The following CHL1 variants were observed in gnomAD, a reference collection of about 807,000 sequenced individuals.
The protein encoded by CHL1 is neural cell adhesion molecule L1-like protein.
A neutral mutation model predicts 141.9 loss-of-function variants in CHL1; 96 were observed. The observed-to-expected ratio is 0.68, with a 90% CI of 0.57 to 0.80. CHL1 has a LOEUF of 0.80. Ranked by LOEUF, CHL1 falls within the 30% of genes least tolerant of loss-of-function variation. CHL1 has a pLI of 0.00. For synonymous variants in CHL1, 613 were observed against 502.2 expected (o/e 1.22, Z -2.95); for missense variants, 1,820 against 1,457.2 (o/e 1.25, Z -4.05).
intron 5 of CHL1, among the ~76,000 whole-genome samples, chr3:329,624 T>A (rs1701286360): frequency 6.6e-6 from 1 of 151,490 alleles, no homozygotes; most frequent in South Asian, 2.1e-4. Context: ...GAGATAGAAA[T>A]AAATTCAAAT....
chr3:374,660 A>G lies in CHL1; in HGVS notation c.1752-3158A>G, dbSNP rs143891955. 2.8e-3 allele frequency among the ~76,000 whole-genome samples: 422 copies of G among 152,326 alleles called. 2 individuals carry two copies. Among genetic ancestry groups the G allele is most frequent in the African/African-American group, 9.6e-3 (400 of 41,560 alleles). On this transcript the variant is annotated intron_variant, in intron 15 of 27. Transcript: ENST00000256509. ...CAATTTCCCTAAACAAGTAACAGGG[A>G]TAAAGGACAATAACCTTAGCTCAGA...
rs1347751390 is a variant in CHL1 at position 337,611 on chromosome 3, G to A, written c.386-3183G>A. On this transcript the variant is annotated intron_variant, in intron 5 of 27. Coordinates refer to ENST00000256509, the MANE Select transcript of CHL1 (RefSeq NM_006614.4). The stretch of plus-strand genomic sequence containing the variant: ...AATTCCCACTTATGAGTGAGAACAT[G>A]CAATGTTTGGTTTTTTGTCCTTGCG... Among the ~76,000 whole-genome samples, 5 of 149,708 alleles carry A rather than the reference G, an allele frequency of 3.3e-5. No individual in the cohort carries two copies. In the East Asian group the frequency reaches 1.0e-3, roughly 30 times the overall value.
intron 10 of CHL1, among the ~76,000 whole-genome samples, chr3:349,998 G>C (rs1314931421): frequency 6.6e-6 from 1 of 152,162 alleles, no homozygotes; most frequent in East Asian, 1.9e-4. Flanking sequence ...CTTCACCAAA[G>C]AAGTGAAAGA....
intron 27 of CHL1, among the ~76,000 whole-genome samples, chr3:402,009 C>G (rs1418389457): frequency 6.6e-6 from 1 of 152,160 alleles, no homozygotes; most frequent in African/African-American, 2.4e-5. Context: ...CCATTATGAA[C>G]TCGGGTTCAA....
Position 407,695 on chromosome 3 carries a change from G to T in CHL1, c.*1984G>T, listed in dbSNP as rs1220448066. 1 of 152,128 alleles carries T rather than the reference G, an allele frequency of 6.6e-6. No homozygotes were observed. The highest frequency in any genetic ancestry group is 1.9e-4 in the East Asian group (1 of 5,184). 9.4% of individuals were successfully genotyped at this position (152,128 alleles called of 1,614,324 possible). On this transcript the variant is annotated 3_prime_UTR_variant, in exon 28 of 28. Coordinates refer to ENST00000256509, the MANE Select transcript of CHL1 (RefSeq NM_006614.4). ...TCGAGCTTAGTTCTGGTGTTATTCT[G>T]TCTCCTCTTCTTTGTCATCAGCCAA...
chr3:273,907 C>T (rs1469352557), intron 2 of CHL1, among the ~76,000 whole-genome samples: 1 of 151,996 alleles, frequency 6.6e-6, no homozygotes, highest in Non-Finnish European at 1.5e-5. Context: ...CAAATTTGAC[C>T]ACGCCATAAT....
chr3:241,239 G>T (rs934995559), intron 1 of CHL1, among the ~76,000 whole-genome samples: 1 of 152,150 alleles, frequency 6.6e-6, no homozygotes, highest in Admixed American at 6.6e-5. Flanking sequence ...AGCTTAGAAA[G>T]GAGTCATGTC....
intron 5 of CHL1, among the ~76,000 whole-genome samples, chr3:337,347 C>A (rs557979846): frequency 2.2e-5 from 3 of 134,162 alleles, no homozygotes; most frequent in Non-Finnish European, 3.2e-5. Context: ...CCCGCCACCA[C>A]GCCCGGCTAA....
At chr3:268,778 T>C (rs1416772318) in intron 2 of CHL1, among the ~76,000 whole-genome samples, 3 of 152,192 alleles carry the variant, frequency 2.0e-5, no homozygotes, top group Non-Finnish European at 2.9e-5. Context: ...TCTTCGGAAT[T>C]ATTTAGATTT....
At chr3:388,350 C>T (rs887476737) in intron 19 of CHL1, among the ~76,000 whole-genome samples, 1 of 152,108 alleles carries the variant, frequency 6.6e-6, no homozygotes. Context: ...GAGTTCAAGA[C>T]CAGCCTGACC....
chr3:387,109 T>G (rs974577981), intron 19 of CHL1, among the ~76,000 whole-genome samples: 2 of 152,192 alleles, frequency 1.3e-5, no homozygotes, highest in Non-Finnish European at 2.9e-5. Flanking sequence ...GATTAATAGT[T>G]ATAACCTTGC....
intron 3 of CHL1, among the ~76,000 whole-genome samples, chr3:322,534 G>A (rs1049480895): frequency 6.7e-5 from 10 of 150,294 alleles, no homozygotes; most frequent in African/African-American, 9.8e-5. Context: ...AGGGCTGGGC[G>A]TGGTGTCTCA....
intron 3 of CHL1, among the ~76,000 whole-genome samples, chr3:325,628 A>G (rs930223593): frequency 6.6e-6 from 1 of 152,058 alleles, no homozygotes. Flanking sequence ...ATGCATATGC[A>G]TGCTAACATA....
chr3:272,473 T>C (rs1695719018), intron 2 of CHL1, among the ~76,000 whole-genome samples: 1 of 152,240 alleles, frequency 6.6e-6, no homozygotes, highest in Admixed American at 6.5e-5. Context: ...GAGACTATGT[T>C]TTCGTTCTTT....
chr3:296,716 G>A (rs556607417), intron 2 of CHL1, among the ~76,000 whole-genome samples: 3 of 152,306 alleles, frequency 2.0e-5, no homozygotes, highest in South Asian at 4.1e-4. Context: ...TTTTAAAATG[G>A]AAAGAAGTGG....
intron 14 of CHL1, among the ~76,000 whole-genome samples, chr3:365,500 A>G (rs1704759487): frequency 6.6e-6 from 1 of 152,146 alleles, no homozygotes; most frequent in East Asian, 1.9e-4. Flanking sequence ...CCCCACCTTC[A>G]TGTTAATAGT....
chr3:280,044 A>T (rs979930963), intron 2 of CHL1, among the ~76,000 whole-genome samples: 1 of 152,180 alleles, frequency 6.6e-6, no homozygotes, highest in African/African-American at 2.4e-5. Flanking sequence ...TCAGGTTTCT[A>T]TTATCTGAAA....
At chr3:277,953 T>G (rs1696303427) in intron 2 of CHL1, among the ~76,000 whole-genome samples, 1 of 152,214 alleles carries the variant, frequency 6.6e-6, no homozygotes. Context: ...AAACATAAAA[T>G]GTAGTTTGCA....
intron 2 of CHL1, among the ~76,000 whole-genome samples, chr3:279,213 GT>G (rs1347454642): frequency 6.6e-6 from 1 of 152,158 alleles, no homozygotes. Context: ...CAGAGAAATA[GT>G]AAAAGTTTTT....
Sources: gnomAD v4.1 joint callset for allele counts (sites outside exome capture counted in the v4.1 genomes callset) on GRCh38, gnomAD v4.1.1 for gene constraint, MANE v1.5 for transcripts, NCBI Gene and HGNC (gene_info 2026-07-23, HGNC 2026-07-21) for gene names.